The following MEP1A variants were observed in gnomAD, a reference collection of about 807,000 sequenced individuals.
MEP1A encodes the protein meprin A subunit alpha.
In MEP1A, 68 loss-of-function variants were observed where a neutral mutation model predicts 84.5. That is an observed-to-expected ratio of 0.80 (90% CI 0.66 to 0.98). The LOEUF is 0.98. Ranked by LOEUF, MEP1A falls within the 50% of genes least tolerant of loss-of-function variation. The probability of loss-of-function intolerance (pLI) is 0.00; values close to 1 mark genes in which losing one functional copy is unlikely to be tolerated. For missense variants in MEP1A, 887 were observed against 919.9 expected, an observed-to-expected ratio of 0.96 and a Z score of 0.46; for synonymous variants, 337 against 336.8, an observed-to-expected ratio of 1.00 and a Z score of -0.01.
chr6:46,833,084 C>T lies in MEP1A; in HGVS notation c.1155C>T (p.Asp385=). Residue 385 remains aspartate, a synonymous_variant, in exon 11 of 14, where the codon GAC becomes GAT. Coordinates refer to ENST00000230588, the MANE Select transcript of MEP1A (RefSeq NM_005588.3). ...VKVQTFQGDD[D]HNWKIAHVVL... is the part of the protein sequence containing the mutation. The stretch of plus-strand genomic sequence containing the variant: ...GTTCTCTGTCCTCAGGAGATGATGA[C>T]CACAATTGGAAAATTGCCCATGTGG... 6.6e-7 allele frequency: 1 copy of T among 1,522,428 alleles called. No individual in the cohort carries two copies. The highest frequency in any genetic ancestry group is 8.8e-7 in the Non-Finnish European group (1 of 1,138,140). The allele number at this position is 1,522,428 out of a possible 1,614,324, so 94.3% of individuals were successfully genotyped here. A position where few individuals can be genotyped will look rare whatever the true frequency, so the allele number is the denominator to read the frequency against.
intron 7 of MEP1A, among the ~76,000 whole-genome samples, chr6:46,822,310 G>A (rs1767798095): frequency 6.6e-6 from 1 of 152,080 alleles, no homozygotes; most frequent in South Asian, 2.1e-4. Context: ...CTGATCCCTG[G>A]TTTACAGGAT....
chr6:46,839,924 A>G (rs1471768522), downstream of MEP1A: 4 of 152,118 alleles, frequency 2.6e-5, no homozygotes, highest in African/African-American at 9.7e-5. Context: ...ATATTAACAA[A>G]CTGAAGGTAT....
At chr6:46,819,871 C>T (rs964710352) in intron 7 of MEP1A, among the ~76,000 whole-genome samples, 167 bp downstream of exon 7, 2 of 152,134 alleles carry the variant, frequency 1.3e-5, no homozygotes, top group African/African-American at 4.8e-5. Context: ...CTGGTCTGAC[C>T]GGAATTCATC....
In MEP1A at chr6:46,833,162, C is replaced by A; in HGVS notation, c.1233C>A (p.Asp411Glu). The A allele has an allele frequency of 6.3e-7, 1 of 1,592,778 alleles. No homozygotes were observed. The highest frequency in any genetic ancestry group is 1.8e-5 in the Admixed American group (1 of 55,336). ...FRYLFQGTKG[D>E]PQNSTGGIYL... ...ACCTTTTCCAGGGCACAAAAGGCGA[C>A]CCTCAGAACTCAACTGGGGGAATTT... Residue 411 changes from aspartate (D) to glutamate (E), a missense_variant, in exon 11 of 14, where the codon GAC becomes GAA. Physicochemically the swap from Asp to Glu is conservative, Grantham distance 45 (BLOSUM62 2). Coordinates refer to ENST00000230588, the MANE Select transcript of MEP1A (RefSeq NM_005588.3).
chr6:46,822,194 C>T (rs963073787), intron 7 of MEP1A, among the ~76,000 whole-genome samples: 1 of 152,138 alleles, frequency 6.6e-6, no homozygotes, highest in Non-Finnish European at 1.5e-5. Flanking sequence ...ACAATCATAA[C>T]CATTTGTTTA....
At chr6:46,841,729 C>T (rs1581694152), downstream of MEP1A, among the ~76,000 whole-genome samples, 1 of 152,188 alleles carries the variant, frequency 6.6e-6, no homozygotes, top group Non-Finnish European at 1.5e-5. Context: ...CTGACCTGAG[C>T]CAATCTGGCC....
intron 10 of MEP1A, among the ~76,000 whole-genome samples, chr6:46,831,528 C>A (rs564345985): frequency 6.6e-6 from 1 of 152,210 alleles, no homozygotes; most frequent in East Asian, 1.9e-4. Flanking sequence ...TTAGGGCAGC[C>A]CTGTGGAAGC....
intron 5 of MEP1A, among the ~76,000 whole-genome samples, chr6:46,803,621 T>C (rs1767244978): frequency 6.6e-6 from 1 of 151,642 alleles, no homozygotes. Flanking sequence ...CTCCTACTTA[T>C]TTCAGGTTTA....
rs189263011 is a variant in MEP1A at position 46,837,898 on chromosome 6, T to A, written c.2085-1082T>A. 9.9e-5 allele frequency among the ~76,000 whole-genome samples: 15 copies of A among 150,946 alleles called. 1 individual carries two copies. The East Asian group carries it at 2.9e-3, about 29-fold the overall frequency. On this transcript the variant is annotated intron_variant, in intron 13 of 13. Transcript: ENST00000230588. ...TAAAAGAAAATGCTGACTTCTTATT[T>A]TTTTTTTTTTTGAGACAGTTTTTGC...
downstream of MEP1A, among the ~76,000 whole-genome samples, chr6:46,841,635 A>G (rs1768332363): frequency 6.6e-6 from 1 of 152,216 alleles, no homozygotes; most frequent in Admixed American, 6.5e-5. Flanking sequence ...AATAAGTCAT[A>G]GTGGCTTGAA....
At chr6:46,796,735 C>T (rs1375772561) in intron 3 of MEP1A, among the ~76,000 whole-genome samples, 1 of 152,238 alleles carries the variant, frequency 6.6e-6, no homozygotes, top group Admixed American at 6.5e-5. Flanking sequence ...CCCCCCATGA[C>T]TCCATCCATT....
Position 46,826,382 on chromosome 6 carries a change from T to C in MEP1A, c.807T>C (p.Cys269=). 1.9e-6 allele frequency: 3 copies of C among 1,609,146 alleles called. No individual in the cohort carries two copies. Among genetic ancestry groups the C allele is most frequent in the Non-Finnish European group, 2.5e-6 (3 of 1,177,682 alleles). ...CAACTCACACTCTTTTGGACCACTG[T>C]ACTTTTGAGAAGGCAAACATCTGTG... is the stretch of plus-strand genomic sequence containing the variant. ...CTTTHTLLDH[C]TFEKANICGM... is the part of the protein sequence containing the mutation. The change falls in exon 9 of 14, where the codon TGT becomes TGC. Residue 269 remains cysteine, a synonymous_variant. Coordinates refer to ENST00000230588, the MANE Select transcript of MEP1A (RefSeq NM_005588.3).
chr6:46,796,548 A>G (rs976097421), intron 3 of MEP1A, among the ~76,000 whole-genome samples: 4 of 152,126 alleles, frequency 2.6e-5, no homozygotes, highest in Admixed American at 6.5e-5. Flanking sequence ...TCTTCCCCCA[A>G]TCAAGAGAGT....
chr6:46,840,861 G>A (rs1768319674), downstream of MEP1A, among the ~76,000 whole-genome samples: 1 of 152,192 alleles, frequency 6.6e-6, no homozygotes, highest in Non-Finnish European at 1.5e-5. Flanking sequence ...ATTGGAAATG[G>A]ATTTCAGCTT....
chr6:46,842,902 G>A (rs191795508), downstream of MEP1A, among the ~76,000 whole-genome samples: 10 of 152,168 alleles, frequency 6.6e-5, no homozygotes, highest in Admixed American at 3.9e-4. Context: ...TAGAACCTAC[G>A]TTGAAATATT....
chr6:46,823,165 C>T (rs1265363033), intron 7 of MEP1A, among the ~76,000 whole-genome samples: 1 of 152,212 alleles, frequency 6.6e-6, no homozygotes, highest in Non-Finnish European at 1.5e-5. Context: ...CAAGATATTG[C>T]TCAAACATGG....
chr6:46,829,385 A>G lies in MEP1A; in HGVS notation c.958A>G (p.Ser320Gly). 2.5e-6 allele frequency: 4 copies of G among 1,613,810 alleles called. No homozygotes were observed. The highest frequency in any genetic ancestry group is 2.5e-6 in the Non-Finnish European group (3 of 1,180,032). ...GAGYFMQFSTSSGSAEEAALL... is the reference protein window; with the variant it reads ...GAGYFMQFSTGSGSAEEAALL... Reference sequence around the variant, plus strand: ...CGGCTACTTCATGCAGTTCAGCACCAGCTCGGGGTCCGCGGAAGAGGCAGC... The same window carrying G: ...CGGCTACTTCATGCAGTTCAGCACCGGCTCGGGGTCCGCGGAAGAGGCAGC... Residue 320 changes from serine (S) to glycine (G), a missense_variant, in exon 10 of 14, where the codon AGC becomes GGC. Coordinates refer to ENST00000230588, the MANE Select transcript of MEP1A (RefSeq NM_005588.3).
intron 10 of MEP1A, among the ~76,000 whole-genome samples, chr6:46,832,464 G>A (rs1209964742): frequency 2.6e-5 from 4 of 152,118 alleles, no homozygotes; most frequent in Non-Finnish European, 5.9e-5. Context: ...TTATTAGAAC[G>A]TGCATTTCCA....
intron 9 of MEP1A, among the ~76,000 whole-genome samples, chr6:46,828,618 G>C (rs1050673886): frequency 6.6e-6 from 1 of 152,196 alleles, no homozygotes; most frequent in African/African-American, 2.4e-5. Context: ...CATTGTGCTT[G>C]ACTTTGACAA....
Sources: allele counts gnomAD v4.1 joint callset (sites outside exome capture counted in the v4.1 genomes callset), GRCh38; gene constraint gnomAD v4.1.1; transcripts MANE v1.5; gene names NCBI Gene and HGNC (gene_info 2026-07-23, HGNC 2026-07-21).